TRDMT1: variants seen among roughly 807,000 people sequenced by gnomAD.
TRDMT1 encodes the protein tRNA (cytosine(38)-C(5))-methyltransferase.
TRDMT1 carries 49 observed loss-of-function variants against 51.2 expected under a neutral mutation model. That is an observed-to-expected ratio of 0.96 (90% confidence interval 0.76 to 1.21). The LOEUF (loss-of-function observed/expected upper bound fraction) is 1.21, where lower values mean the gene tolerates loss of function less well. Ranked by LOEUF, TRDMT1 falls within the 50% of genes most tolerant of loss-of-function variation. The pLI is 0.00. For missense variants in TRDMT1, 534 were observed against 462.3 expected, an observed-to-expected ratio of 1.16 and a Z score of -1.42; for synonymous variants, 187 against 164.6, an observed-to-expected ratio of 1.14 and a Z score of -1.04.
chr10:17,177,211 T>TA (rs1554763686), intron 1 of TRDMT1, among the ~76,000 whole-genome samples: 159 of 150,794 alleles, frequency 1.1e-3, no homozygotes, highest in African/African-American at 3.7e-3. Flanking sequence ...TTTATTTATT[T>TA]TTTGAGATAG....
At chr10:17,165,689 C>A (rs1173575530) in intron 3 of TRDMT1, among the ~76,000 whole-genome samples, 16 of 151,464 alleles carry the variant, frequency 1.1e-4, no homozygotes, top group Non-Finnish European at 1.8e-4. Context: ...AAACAAAAAA[C>A]CCCATCAAAA....
Position 17,141,021 on chromosome 10 carries a change from G to A in TRDMT1, c.*8019C>T, listed in dbSNP as rs749051936. Among the ~76,000 whole-genome samples, 20 of 152,198 alleles carry A rather than the reference G, an allele frequency of 1.3e-4. No individual in the cohort carries two copies. The highest frequency in any genetic ancestry group is 2.8e-4 in the Non-Finnish European group (19 of 68,034). ...ATAGATAAAACAGAGATCTCTTGAA[G>A]GATAGTTTGGCTAGATATAGAATTC... On this transcript the variant is annotated 3_prime_UTR_variant, in exon 11 of 11. Transcript: ENST00000377799.
intron 1 of TRDMT1, among the ~76,000 whole-genome samples, chr10:17,184,769 C>A (rs1156891411): frequency 6.6e-6 from 1 of 152,180 alleles, no homozygotes; most frequent in African/African-American, 2.4e-5. Flanking sequence ...CTAACTATAT[C>A]ATTCTCTACA....
chr10:17,141,487 T>C lies in TRDMT1; in HGVS notation c.*7553A>G, dbSNP rs1055919464. Among the ~76,000 whole-genome samples, 1 of 146,462 alleles carries C rather than the reference T, an allele frequency of 6.8e-6. No homozygotes were observed. Among genetic ancestry groups the C allele is most frequent in the African/African-American group, 2.4e-5 (1 of 40,952 alleles). ...CAGCTGCTTTTAAGGTTTTGCCAAA[T>C]TTGGGATGTTTCCAGCCATTATTTA... On this transcript the variant is annotated 3_prime_UTR_variant, in exon 11 of 11. Coordinates refer to ENST00000377799, the MANE Select transcript of TRDMT1 (RefSeq NM_004412.7).
chr10:17,153,078 C>G, intron 10 of TRDMT1: 1 of 205,948 alleles, frequency 4.9e-6, no homozygotes. Flanking sequence ...ACCAATACAC[C>G]CCCACCCTTC....
In TRDMT1 at chr10:17,146,678, G is replaced by A. The variant is rs564327054; in HGVS notation, c.*2362C>T. 1.0e-6 allele frequency: 1 copy of A among 985,276 alleles called. No individual in the cohort carries two copies. Among genetic ancestry groups the A allele is most frequent in the Admixed American group, 6.1e-5 (1 of 16,276 alleles). 61.0% of individuals were successfully genotyped at this position (985,276 alleles called of 1,614,324 possible). ...TATGGTGAAGACTGAATTACACATA[G>A]TTCTCCTGAAAATGAGAAGCTATGT... On this transcript the variant is annotated 3_prime_UTR_variant, in exon 11 of 11. Transcript: ENST00000377799.
intron 3 of TRDMT1, among the ~76,000 whole-genome samples, chr10:17,164,624 C>A (rs1488658375): frequency 6.6e-6 from 1 of 152,176 alleles, no homozygotes; most frequent in Non-Finnish European, 1.5e-5. Flanking sequence ...AAAAACCCAT[C>A]ATCTCGGCCC....
At chr10:17,165,175 T>C (rs1588560612) in intron 3 of TRDMT1, among the ~76,000 whole-genome samples, 1 of 152,046 alleles carries the variant, frequency 6.6e-6, no homozygotes, top group East Asian at 1.9e-4. Context: ...AACAGAGATA[T>C]AGATCAATGG....
chr10:17,188,922 A>G (rs1844314499), intron 1 of TRDMT1, among the ~76,000 whole-genome samples: 1 of 152,198 alleles, frequency 6.6e-6, no homozygotes, highest in Admixed American at 6.5e-5. Flanking sequence ...TTGTGAGGTC[A>G]TCCTCCTAAA....
rs1429120175 is a variant in TRDMT1, at chr10:17,201,627, G to A, written c.8C>T (p.Pro3Leu). ...GCTGTATAGCTCCAGCACCCGCAGG[G>A]GCTCCATCCCCGCGCCTCAGCCGCC... ME[P>L]LRVLELYSGV... is the part of the protein sequence containing the mutation. Residue 3 changes from proline to leucine, a missense_variant, in exon 1 of 11, where the codon CCC becomes CTC. Physicochemically the swap from Pro to Leu is moderately conservative, Grantham distance 98 (BLOSUM62 -3). Transcript: ENST00000377799. The A allele has an allele frequency of 1.3e-6, 2 of 1,544,582 alleles. No homozygotes were observed. The highest frequency in any genetic ancestry group is 2.5e-5 in the East Asian group (1 of 40,304).
intron 6 of TRDMT1, among the ~76,000 whole-genome samples, 181 bp downstream of exon 6, chr10:17,160,124 G>A (rs959339930): frequency 8.6e-5 from 13 of 152,004 alleles, no homozygotes; most frequent in African/African-American, 2.7e-4. Context: ...AAATATGTAT[G>A]AATGAATTTA....
At chr10:17,167,282 G>T (rs1841347864) in intron 3 of TRDMT1, among the ~76,000 whole-genome samples, 1 of 152,162 alleles carries the variant, frequency 6.6e-6, no homozygotes, top group South Asian at 2.1e-4. Context: ...TTCATTCACT[G>T]AATTAGACTG....
At chr10:17,190,371 C>T (rs1012871206) in intron 1 of TRDMT1, among the ~76,000 whole-genome samples, 1 of 149,210 alleles carries the variant, frequency 6.7e-6, no homozygotes. Flanking sequence ...TGCTCTCATA[C>T]ATCAACTTCT....
At chr10:17,200,558 G>A (rs966020848) in intron 1 of TRDMT1, 3 of 167,478 alleles carry the variant, frequency 1.8e-5, no homozygotes, top group Non-Finnish European at 2.9e-5. Context: ...TAAGGAAGCA[G>A]GGAAGTTTCA....
chr10:17,172,473 C>A (rs142384319), intron 2 of TRDMT1, among the ~76,000 whole-genome samples: 202 of 151,834 alleles, frequency 1.3e-3, no homozygotes, highest in South Asian at 7.7e-3. Flanking sequence ...GCCTGGGCAA[C>A]ATAGTGAGAC....
rs770278693 is a variant in TRDMT1, at chr10:17,161,552, T to TA, written c.324-5dup. 1.6e-6 allele frequency: 2 copies of TA among 1,242,374 alleles called. No individual in the cohort carries two copies. The highest frequency in any genetic ancestry group is 1.5e-5 in the South Asian group (1 of 66,326). The allele number at this position is 1,242,374 out of a possible 1,614,324, so 77.0% of individuals were successfully genotyped here. ...ATACTTTGGTAATTTTTGTAATCTATAAAAAAATAAACAAATGGAATTCTA... is the reference window on the plus strand; with the variant it reads ...ATACTTTGGTAATTTTTGTAATCTATAAAAAAAATAAACAAATGGAATTCTA... On this transcript the variant is annotated splice_region_variant and splice_polypyrimidine_tract_variant and intron_variant, in intron 4 of 10. Transcript: ENST00000377799.
chr10:17,179,533 T>C (rs1355064383), intron 1 of TRDMT1, among the ~76,000 whole-genome samples: 1 of 151,994 alleles, frequency 6.6e-6, no homozygotes, highest in Non-Finnish European at 1.5e-5. Flanking sequence ...GATAAAATAA[T>C]AATGATAATG....
chr10:17,146,950 C>T lies in TRDMT1; in HGVS notation c.*2090G>A, dbSNP rs1838165614. On this transcript the variant is annotated 3_prime_UTR_variant, in exon 11 of 11. Coordinates refer to ENST00000377799, the MANE Select transcript of TRDMT1 (RefSeq NM_004412.7). ...ATTATGAATTAAGGGCAAGAATCAC[C>T]GTCTTCCTGTGAATACATTCCCATA... The T allele has an allele frequency of 5.1e-6, 5 of 985,202 alleles. No individual in the cohort carries two copies. The highest frequency in any genetic ancestry group is 5.2e-4 in the Middle Eastern group (1 of 1,936). The allele number at this position is 985,202 out of a possible 1,614,324, so 61.0% of individuals were successfully genotyped here.
intron 10 of TRDMT1, among the ~76,000 whole-genome samples, chr10:17,149,978 A>G (rs1433777224): frequency 3.3e-5 from 5 of 152,082 alleles, no homozygotes; most frequent in African/African-American, 7.2e-5. Flanking sequence ...CGTATTTTCA[A>G]TTCTCTTGGA....
Sources: allele counts gnomAD v4.1 joint callset (sites outside exome capture counted in the v4.1 genomes callset), GRCh38; gene constraint gnomAD v4.1.1; transcripts MANE v1.5; gene names NCBI Gene and HGNC (gene_info 2026-07-23, HGNC 2026-07-21).